Variants in GALNT13 observed in about 807,000 individuals in gnomAD.
The protein encoded by GALNT13 is UDP-GalNAc:polypeptide N-acetylgalactosaminyltransferase 13.
A neutral mutation model predicts 64.2 loss-of-function variants in GALNT13; 28 were observed. That is an observed-to-expected ratio of 0.44 (90% confidence interval 0.32 to 0.60). The LOEUF is 0.60. GALNT13 is among the 20% of genes least tolerant of loss of function. The pLI is 0.05. For synonymous variants in GALNT13, 214 were observed against 224.6 expected, an observed-to-expected ratio of 0.95 and a Z score of 0.42; for missense variants, 577 against 669.8, an observed-to-expected ratio of 0.86 and a Z score of 1.53.
the GALNT13 span, among the ~76,000 whole-genome samples, chr2:153,113,469 T>C: frequency 6.6e-6 from 1 of 151,982 alleles, no homozygotes; most frequent in African/African-American, 2.4e-5. Context: ...TCCCTTAATC[T>C]TGTACTCCAG....
At chr2:153,186,820 C>T in the GALNT13 span, among the ~76,000 whole-genome samples, 24 of 152,316 alleles carry the variant, frequency 1.6e-4, no homozygotes, top group African/African-American at 5.5e-4. Flanking sequence ...CCCGCCTCAG[C>T]CTCCCAAAGT....
the GALNT13 span, among the ~76,000 whole-genome samples, chr2:153,527,998 C>G: frequency 6.6e-6 from 1 of 151,462 alleles, no homozygotes. Context: ...AATGGGAATA[C>G]GAGAAGGAAA....
chr2:153,829,855 C>A, the GALNT13 span, among the ~76,000 whole-genome samples: 2 of 152,128 alleles, frequency 1.3e-5, no homozygotes. Flanking sequence ...TTAGAAGAGA[C>A]TTAATTCCTT....
chr2:153,662,000 G>A, the GALNT13 span, among the ~76,000 whole-genome samples: 1 of 152,076 alleles, frequency 6.6e-6, no homozygotes, highest in Admixed American at 6.6e-5. Context: ...TAGTTTTGTT[G>A]GCATAGTAGA....
intron 3 of GALNT13, among the ~76,000 whole-genome samples, chr2:154,036,286 C>T (rs1698655348): frequency 6.6e-6 from 1 of 152,002 alleles, no homozygotes; most frequent in Admixed American, 6.6e-5. Flanking sequence ...CAACATTGAT[C>T]CCATGATATA....
chr2:154,256,063 G>GAA (rs985304715), intron 7 of GALNT13, among the ~76,000 whole-genome samples: 2 of 145,450 alleles, frequency 1.4e-5, no homozygotes, highest in African/African-American at 5.1e-5. Context: ...CTCAAAAAAA[G>GAA]AAAAAAAAAA....
At chr2:153,775,603 T>A in the GALNT13 span, among the ~76,000 whole-genome samples, 1 of 152,084 alleles carries the variant, frequency 6.6e-6, no homozygotes, top group Non-Finnish European at 1.5e-5. Context: ...GATACATAAT[T>A]CCCAAGTAAG....
the GALNT13 span, among the ~76,000 whole-genome samples, chr2:153,255,887 G>A: frequency 2.6e-5 from 4 of 152,138 alleles, no homozygotes; most frequent in Non-Finnish European, 5.9e-5. Flanking sequence ...TTTCTCTCTG[G>A]CTGTCCTTAA....
the GALNT13 span, among the ~76,000 whole-genome samples, chr2:153,614,758 T>C: frequency 6.6e-6 from 1 of 152,102 alleles, no homozygotes; most frequent in African/African-American, 2.4e-5. Context: ...TTATTGTGGG[T>C]ACATAGTAGA....
the GALNT13 span, among the ~76,000 whole-genome samples, chr2:153,638,460 C>G: frequency 9.5e-5 from 2 of 21,044 alleles, 1 homozygote; most frequent in Non-Finnish European, 2.5e-4. Context: ...AAAAGTAGTA[C>G]AGTTAAGGAT....
chr2:153,984,081 T>C (rs1301552008), intron 3 of GALNT13, among the ~76,000 whole-genome samples: 1 of 151,716 alleles, frequency 6.6e-6, no homozygotes, highest in African/African-American at 2.4e-5. Context: ...TGCTTTTTTT[T>C]TTATTTATAG....
chr2:154,068,860 T>A (rs1057416161), intron 3 of GALNT13, among the ~76,000 whole-genome samples: 2 of 152,090 alleles, frequency 1.3e-5, no homozygotes, highest in African/African-American at 4.8e-5. Context: ...CATTTTTAAA[T>A]AACTTTTAGT....
the GALNT13 span, among the ~76,000 whole-genome samples, chr2:153,820,687 A>G: frequency 1.3e-5 from 2 of 152,166 alleles, no homozygotes; most frequent in African/African-American, 4.8e-5. Context: ...TTACCACTAC[A>G]CCAGCCTTAC....
At chr2:153,538,345 C>CTTTTT in the GALNT13 span, among the ~76,000 whole-genome samples, 1 of 73,652 alleles carries the variant, frequency 1.4e-5, no homozygotes, top group African/African-American at 5.6e-5. Flanking sequence ...TTTTTTTTTA[C>CTTTTT]TTTTTTATTT....
chr2:153,344,601 GT>G, the GALNT13 span, among the ~76,000 whole-genome samples: 1 of 152,116 alleles, frequency 6.6e-6, no homozygotes, highest in Non-Finnish European at 1.5e-5. Context: ...AGAAAGCAAT[GT>G]GTTACTGCAA....
the GALNT13 span, among the ~76,000 whole-genome samples, chr2:153,554,448 G>A: frequency 6.6e-6 from 1 of 152,184 alleles, no homozygotes; most frequent in Non-Finnish European, 1.5e-5. Flanking sequence ...AGCCAGTAGT[G>A]ACAGAAATAT....
At chr2:153,198,556 G>T in the GALNT13 span, among the ~76,000 whole-genome samples, 2 of 152,144 alleles carry the variant, frequency 1.3e-5, no homozygotes, top group South Asian at 2.1e-4. Flanking sequence ...TGACTATTTT[G>T]GTTCTTTGTG....
the GALNT13 span, among the ~76,000 whole-genome samples, chr2:153,196,170 A>T: frequency 6.6e-6 from 1 of 151,768 alleles, no homozygotes; most frequent in Non-Finnish European, 1.5e-5. Flanking sequence ...AGCAGCGCAA[A>T]CCTGAAGGTG....
the GALNT13 span, among the ~76,000 whole-genome samples, chr2:153,574,129 GTTT>G: frequency 2.8e-5 from 4 of 140,466 alleles, no homozygotes; most frequent in Non-Finnish European, 4.7e-5. Context: ...GTAAGGTAAA[GTTT>G]TTTTTTTTTT....
Sources: gnomAD v4.1 joint callset for allele counts (sites outside exome capture counted in the v4.1 genomes callset) on GRCh38, gnomAD v4.1.1 for gene constraint, MANE v1.5 for transcripts, NCBI Gene and HGNC (gene_info 2026-07-23, HGNC 2026-07-21) for gene names.